The following DCTN5 variants were observed in gnomAD, a reference collection of about 807,000 sequenced individuals.
The protein encoded by DCTN5 is dynactin 4.
DCTN5 carries 14 observed loss-of-function variants against 23.5 expected under a neutral mutation model. The ratio of observed to expected loss-of-function variants is 0.60; its 90% CI spans 0.39 to 0.93. The LOEUF is 0.93. DCTN5 is among the 40% of genes least tolerant of loss of function. The pLI is 0.00. For synonymous variants in DCTN5, 67 were observed against 79.6 expected (o/e 0.84, Z 0.84); for missense variants, 156 against 225.9 (o/e 0.69, Z 1.98).
In DCTN5 at chr16:23,641,694, T is replaced by C. The variant is rs528126564; in HGVS notation, c.48+104T>C. The C allele has an allele frequency of 2.4e-4, 293 of 1,200,934 alleles. 3 individuals are homozygous for C. The South Asian group carries it at 3.6e-3, about 15-fold the overall frequency. 74.4% of individuals were successfully genotyped at this position (1,200,934 alleles called of 1,614,324 possible). On this transcript the variant is annotated intron_variant, in intron 1 of 5. Transcript: ENST00000300087. ...CCTACCCCACCAACCCCTGTCCCTT[T>C]GGCCATTAGTCCCGGATTATCTAGC... is the stretch of plus-strand genomic sequence containing the variant.
intron 1 of DCTN5, chr16:23,642,625 G>A (rs1278903596): frequency 4.7e-6 from 1 of 214,392 alleles, no homozygotes; most frequent in African/African-American, 2.3e-5. Flanking sequence ...TGGGACTACA[G>A]ACACGCGCCA....
At chr16:23,666,010 A>T in intron 5 of DCTN5, 2 of 385,232 alleles carry the variant, frequency 5.2e-6, no homozygotes, top group Non-Finnish European at 4.7e-6. Context: ...TGCTGTCTTC[A>T]TAATAGAGTG....
chr16:23,645,125 ATATATATATATATTTT>A (rs1289449497), intron 2 of DCTN5, among the ~76,000 whole-genome samples: 14 of 31,800 alleles, frequency 4.4e-4, no homozygotes, highest in African/African-American at 2.1e-3. Context: ...ATATATATAT[ATATATATATATATTTT>A]TTTTTTTTTT....
chr16:23,661,061 C>T, intron 3 of DCTN5, 109 bp from the exon 4 acceptor site: 1 of 561,528 alleles, frequency 1.8e-6, no homozygotes, highest in Admixed American at 3.6e-5. Flanking sequence ...TTGCTGGGAA[C>T]AGTCTTGCTA....
At position 23,667,263 on chromosome 16, in the gene DCTN5, T is replaced by G. The variant is rs969159566; in HGVS notation, c.*119T>G. The G allele has an allele frequency of 8.4e-6, 11 of 1,302,950 alleles. No individual in the cohort carries two copies. The African/African-American group carries it at 1.5e-4, about 18-fold the overall frequency. The allele number at this position is 1,302,950 out of a possible 1,614,324, so 80.7% of individuals were successfully genotyped here. On this transcript the variant is annotated 3_prime_UTR_variant, in exon 6 of 6. Coordinates refer to ENST00000300087, the MANE Select transcript of DCTN5 (RefSeq NM_032486.4). ...TTGACATCTACCACCCTCCTCCTTT[T>G]AAAAAATTTCTTTAGAATTTCTCAA...
intron 2 of DCTN5, among the ~76,000 whole-genome samples, chr16:23,650,459 TCCTC>T (rs1278198346): frequency 6.6e-6 from 1 of 150,712 alleles, no homozygotes; most frequent in African/African-American, 2.4e-5. Flanking sequence ...CACCACCTCT[TCCTC>T]CCACCACACC....
chr16:23,645,118 TATATATA>T (rs1967416343), intron 2 of DCTN5, among the ~76,000 whole-genome samples: 5 of 42,506 alleles, frequency 1.2e-4, no homozygotes, highest in East Asian at 7.2e-4. Flanking sequence ...TATATATATA[TATATATA>T]TATATATATA....
At chr16:23,662,613 A>G (rs116365272) in intron 4 of DCTN5, among the ~76,000 whole-genome samples, 2 of 152,346 alleles carry the variant, frequency 1.3e-5, no homozygotes, top group African/African-American at 2.4e-5. Context: ...ACCCTGAAAT[A>G]TCAAAAAACT....
At chr16:23,661,832 C>G (rs1488431069) in intron 4 of DCTN5, among the ~76,000 whole-genome samples, 1 of 151,910 alleles carries the variant, frequency 6.6e-6, no homozygotes, top group Non-Finnish European at 1.5e-5. Context: ...AAACTCTTTC[C>G]TTTGATGATT....
chr16:23,647,212 A>G (rs1967485509), intron 2 of DCTN5, among the ~76,000 whole-genome samples: 1 of 150,994 alleles, frequency 6.6e-6, no homozygotes, highest in African/African-American at 2.4e-5. Context: ...AGCTTACTGC[A>G]ACTTCCTTCT....
intron 3 of DCTN5, among the ~76,000 whole-genome samples, chr16:23,659,065 C>T (rs771085345): frequency 5.3e-5 from 8 of 152,102 alleles, no homozygotes; most frequent in Admixed American, 1.3e-4. Flanking sequence ...GATACCTGCC[C>T]CATTTGTTCA....
At chr16:23,645,648 T>TA (rs1967442617) in intron 2 of DCTN5, among the ~76,000 whole-genome samples, 1 of 152,222 alleles carries the variant, frequency 6.6e-6, no homozygotes, top group Non-Finnish European at 1.5e-5. Flanking sequence ...AGTGGAATCA[T>TA]ACAATATTTG....
intron 3 of DCTN5, among the ~76,000 whole-genome samples, chr16:23,658,930 G>A (rs1967761840): frequency 6.6e-6 from 1 of 152,174 alleles, no homozygotes. Context: ...ACCGGAACCT[G>A]GAATTGGACA....
Position 23,670,568 on chromosome 16 carries a change from G to A in DCTN5, c.*3424G>A, listed in dbSNP as rs1967987660. The stretch of plus-strand genomic sequence containing the variant: ...TCAGCGGTTCTCCTGAAAAAAAATT[G>A]GCATCTGACAACCTGGATGGTGACT... On this transcript the variant is annotated 3_prime_UTR_variant, in exon 6 of 6. Transcript: ENST00000300087. 1 of 152,112 alleles carries A rather than the reference G, an allele frequency of 6.6e-6. No homozygotes were observed. The highest frequency in any genetic ancestry group is 1.5e-5 in the Non-Finnish European group (1 of 68,060). The allele number at this position is 152,112 out of a possible 1,614,324, so 9.4% of individuals were successfully genotyped here. A position where few individuals can be genotyped will look rare whatever the true frequency, so the allele number is the denominator to read the frequency against.
chr16:23,649,637 G>A (rs1165308140), intron 2 of DCTN5, among the ~76,000 whole-genome samples: 1 of 152,062 alleles, frequency 6.6e-6, no homozygotes, highest in African/African-American at 2.4e-5. Flanking sequence ...GAGGGCAGGA[G>A]TTCAAGACCA....
chr16:23,676,229 C>T lies in DCTN5; in HGVS notation c.*9085C>T, dbSNP rs1346570614. 2.0e-5 allele frequency: 3 copies of T among 150,932 alleles called. No homozygotes were observed. The highest frequency in any genetic ancestry group is 7.3e-5 in the African/African-American group (3 of 40,974). 9.3% of individuals were successfully genotyped at this position (150,932 alleles called of 1,614,324 possible). A position where few individuals can be genotyped will look rare whatever the true frequency, so the allele number is the denominator to read the frequency against. On this transcript the variant is annotated 3_prime_UTR_variant, in exon 6 of 6. Transcript: ENST00000300087. ...AAAAGGTTCAGACAGCAATTAAGGG[C>T]TGGGCACGGTGGCTCATGCCTGTAA... is the stretch of plus-strand genomic sequence containing the variant.
At chr16:23,650,575 T>A (rs1376649697) in intron 2 of DCTN5, among the ~76,000 whole-genome samples, 1 of 151,746 alleles carries the variant, frequency 6.6e-6, no homozygotes, top group Non-Finnish European at 1.5e-5. Flanking sequence ...ATTGCCCACT[T>A]TGGCCTCCCA....
At chr16:23,665,854 C>A in intron 5 of DCTN5, 126 bp downstream of exon 5, 1 of 761,888 alleles carries the variant, frequency 1.3e-6, no homozygotes, top group Non-Finnish European at 2.1e-6. Flanking sequence ...TAGAAATTCA[C>A]CTGTACAAAG....
At chr16:23,661,807 C>T (rs575202227) in intron 4 of DCTN5, among the ~76,000 whole-genome samples, 1 of 151,934 alleles carries the variant, frequency 6.6e-6, no homozygotes, top group Admixed American at 6.5e-5. Context: ...TATCAAGTCT[C>T]CTCTATATGA....
Sources: gnomAD v4.1 joint callset for allele counts (sites outside exome capture counted in the v4.1 genomes callset) on GRCh38, gnomAD v4.1.1 for gene constraint, MANE v1.5 for transcripts, NCBI Gene and HGNC (gene_info 2026-07-23, HGNC 2026-07-21) for gene names.